ZMYM4: variants seen among roughly 807,000 people sequenced by gnomAD.
ZMYM4 encodes zinc finger MYM-type protein 4.
Under a neutral mutation model 183.2 loss-of-function variants are expected in ZMYM4, and 31 were observed. That is an observed-to-expected ratio of 0.17 (90% CI 0.13 to 0.23). The LOEUF (loss-of-function observed/expected upper bound fraction) is 0.23, where lower values mean the gene tolerates loss of function less well. ZMYM4 is among the 10% of genes least tolerant of loss of function. The probability of loss-of-function intolerance (pLI) is 1.00; values close to 1 mark genes in which losing one functional copy is unlikely to be tolerated. For missense variants in ZMYM4, 1,273 were observed against 1,840.3 expected, an observed-to-expected ratio of 0.69 and a Z score of 5.64; for synonymous variants, 592 against 631.2, an observed-to-expected ratio of 0.94 and a Z score of 0.93.
At chr1:35,403,535 C>G (rs528218718) in intron 23 of ZMYM4, among the ~76,000 whole-genome samples, 1 of 152,124 alleles carries the variant, frequency 6.6e-6, no homozygotes, top group South Asian at 2.1e-4. Flanking sequence ...ATCCACCCAC[C>G]TCGCCCTCCC....
At chr1:35,366,446 G>T (rs1365396601) in intron 5 of ZMYM4, among the ~76,000 whole-genome samples, 1 of 151,936 alleles carries the variant, frequency 6.6e-6, no homozygotes, top group East Asian at 1.9e-4. Context: ...AAAGAAATTA[G>T]AAGAAAAAAT....
intron 1 of ZMYM4, among the ~76,000 whole-genome samples, chr1:35,285,953 G>A (rs924899966): frequency 8.5e-5 from 13 of 152,292 alleles, no homozygotes; most frequent in Middle Eastern, 6.8e-3. Context: ...AGTGGTGAAA[G>A]ACTGAGAGAT....
intron 25 of ZMYM4, 76 bp from the exon 26 acceptor site, chr1:35,407,932 C>A: frequency 6.3e-7 from 1 of 1,578,382 alleles, no homozygotes; most frequent in South Asian, 1.1e-5. Context: ...CAGTAGTGTT[C>A]AATGTTTATT....
intron 2 of ZMYM4, among the ~76,000 whole-genome samples, chr1:35,348,250 A>T (rs1471587007): frequency 6.6e-6 from 1 of 152,216 alleles, no homozygotes; most frequent in Non-Finnish European, 1.5e-5. Context: ...AATATTTATC[A>T]CCTTTTGGTA....
chr1:35,356,082 C>T (rs924372652), intron 2 of ZMYM4, among the ~76,000 whole-genome samples: 2 of 152,188 alleles, frequency 1.3e-5, no homozygotes, highest in Middle Eastern at 3.4e-3. Context: ...TGGCGGCATG[C>T]GCCTGTTATC....
intron 16 of ZMYM4, 90 bp downstream of exon 16, chr1:35,392,442 C>T (rs1274120515): frequency 5.4e-6 from 8 of 1,468,332 alleles, no homozygotes; most frequent in Middle Eastern, 1.8e-4. Flanking sequence ...TATTTTCATA[C>T]ATTTGACACA....
At chr1:35,293,996 G>A (rs149527761) in intron 1 of ZMYM4, among the ~76,000 whole-genome samples, 19 of 152,140 alleles carry the variant, frequency 1.2e-4, no homozygotes, top group Middle Eastern at 3.4e-3. Flanking sequence ...TTAGCTGGGC[G>A]TGGTGGCACG....
At chr1:35,345,979 C>T (rs1022067808) in intron 2 of ZMYM4, among the ~76,000 whole-genome samples, 2 of 152,190 alleles carry the variant, frequency 1.3e-5, no homozygotes, top group Non-Finnish European at 2.9e-5. Context: ...AATCACCCTT[C>T]TACTTTGTCT....
intron 1 of ZMYM4, among the ~76,000 whole-genome samples, chr1:35,271,534 C>T (rs1484178674): frequency 1.3e-5 from 2 of 152,098 alleles, no homozygotes; most frequent in Non-Finnish European, 2.9e-5. Context: ...TCCCAAGTAG[C>T]TGGGATTACA....
intron 13 of ZMYM4, among the ~76,000 whole-genome samples, chr1:35,387,838 T>C (rs943303833): frequency 1.3e-5 from 2 of 152,240 alleles, no homozygotes; most frequent in African/African-American, 4.8e-5. Flanking sequence ...GAAGATGATG[T>C]GAAAAACATT....
intron 1 of ZMYM4, among the ~76,000 whole-genome samples, chr1:35,294,890 C>T (rs1212046341): frequency 6.6e-6 from 1 of 152,150 alleles, no homozygotes; most frequent in Non-Finnish European, 1.5e-5. Context: ...ACGGACTTTT[C>T]AGAACAAGGT....
chr1:35,373,944 G>T (rs1644275423), intron 7 of ZMYM4, among the ~76,000 whole-genome samples: 1 of 146,536 alleles, frequency 6.8e-6, no homozygotes, highest in Non-Finnish European at 1.5e-5. Flanking sequence ...ATTGTAAAAT[G>T]TACTTTTAAA....
chr1:35,338,399 T>A (rs1643064674), intron 2 of ZMYM4, among the ~76,000 whole-genome samples: 1 of 152,138 alleles, frequency 6.6e-6, no homozygotes, highest in Non-Finnish European at 1.5e-5. Flanking sequence ...GGATAGAAAA[T>A]GCAGTATGTG....
chr1:35,361,934 C>A, intron 5 of ZMYM4, 145 bp downstream of exon 5: 1 of 1,055,606 alleles, frequency 9.5e-7, no homozygotes, highest in Non-Finnish European at 1.3e-6. Flanking sequence ...TTTGAATTAC[C>A]ATATAAGGCA....
intron 20 of ZMYM4, among the ~76,000 whole-genome samples, chr1:35,398,065 T>G (rs1644840559): frequency 1.3e-5 from 2 of 152,158 alleles, no homozygotes; most frequent in Admixed American, 1.3e-4. Flanking sequence ...ATGACAGCCT[T>G]ATGGGGTGGG....
chr1:35,408,263 T>A, intron 26 of ZMYM4, 104 bp downstream of exon 26: 1 of 1,332,260 alleles, frequency 7.5e-7, no homozygotes, highest in Non-Finnish European at 1.0e-6. Flanking sequence ...TATATACTGG[T>A]ATTTTCATTG....
intron 2 of ZMYM4, among the ~76,000 whole-genome samples, chr1:35,325,650 C>T (rs916135720): frequency 1.1e-4 from 16 of 151,942 alleles, no homozygotes; most frequent in African/African-American, 3.6e-4. Context: ...AGCCATACTT[C>T]GTGTCTATAT....
intron 1 of ZMYM4, among the ~76,000 whole-genome samples, chr1:35,296,792 C>T (rs1641034550): frequency 6.6e-6 from 1 of 151,402 alleles, no homozygotes; most frequent in African/African-American, 2.4e-5. Context: ...GTTTCAAGGT[C>T]CCATTATTTC....
At chr1:35,384,272 C>G (rs2148972565) in intron 9 of ZMYM4, among the ~76,000 whole-genome samples, 1 of 152,268 alleles carries the variant, frequency 6.6e-6, no homozygotes, top group Admixed American at 6.5e-5. Context: ...TTTGCTTTTA[C>G]AGTCCTCATT....
Sources: gnomAD v4.1 joint callset for allele counts (sites outside exome capture counted in the v4.1 genomes callset) on GRCh38, gnomAD v4.1.1 for gene constraint, MANE v1.5 for transcripts, NCBI Gene and HGNC (gene_info 2026-07-23, HGNC 2026-07-21) for gene names.